The following TNFRSF13B variants were observed in gnomAD, a reference collection of about 807,000 sequenced individuals.
TNFRSF13B encodes TNF receptor superfamily member 13B.
Under a neutral mutation model 24.0 loss-of-function variants are expected in TNFRSF13B, and 34 were observed. The observed-to-expected ratio is 1.41, with a 90% confidence interval of 1.08 to 1.88. The LOEUF is 1.88. TNFRSF13B is among the 40% of genes most tolerant of loss of function. The pLI is 0.00. For missense variants in TNFRSF13B, 415 were observed against 380.8 expected (o/e 1.09, Z -0.75); for synonymous variants, 173 against 150.3 (o/e 1.15, Z -1.10).
intron 1 of TNFRSF13B, among the ~76,000 whole-genome samples, chr17:16,968,163 A>G (rs369290232): frequency 1.3e-5 from 2 of 151,202 alleles, no homozygotes; most frequent in African/African-American, 4.8e-5. Context: ...AAAAGAAAAA[A>G]GAAAGGAAAA....
chr17:16,940,125 C>A, intron 4 of TNFRSF13B: 4 of 1,378,282 alleles, frequency 2.9e-6, no homozygotes, highest in Non-Finnish European at 3.9e-6. Context: ...GCACCCCACA[C>A]CCACCCTTCC....
chr17:16,956,310 C>T (rs538148488), intron 1 of TNFRSF13B, among the ~76,000 whole-genome samples: 3 of 152,336 alleles, frequency 2.0e-5, no homozygotes, highest in South Asian at 4.1e-4. Context: ...GTTAGATTTC[C>T]AGTCACCACA....
intron 1 of TNFRSF13B, among the ~76,000 whole-genome samples, chr17:16,960,015 A>G (rs563927474): frequency 6.6e-6 from 1 of 152,288 alleles, no homozygotes; most frequent in South Asian, 2.1e-4. Flanking sequence ...TGTCACAAGG[A>G]GAGAAAATTA....
intron 1 of TNFRSF13B, among the ~76,000 whole-genome samples, chr17:16,957,119 G>A (rs1489331405): frequency 6.6e-6 from 1 of 151,596 alleles, no homozygotes; most frequent in Admixed American, 6.6e-5. Context: ...AGGGATGTGG[G>A]AACTCTCTGT....
In TNFRSF13B at chr17:16,966,832, C is replaced by CTTTTTTTTTTTTTTTTTTTTTTTTTTTTT; in HGVS notation, c.61+5182_61+5183insAAAAAAAAAAAAAAAAAAAAAAAAAAAAA. 2.1e-5 allele frequency among the ~76,000 whole-genome samples: 2 copies of CTTTTTTTTTTTTTTTTTTTTTTTTTTTTT among 95,848 alleles called. 1 individual carries two copies. Among genetic ancestry groups the CTTTTTTTTTTTTTTTTTTTTTTTTTTTTT allele is most frequent in the Non-Finnish European group, 3.9e-5 (2 of 50,676 alleles). The allele number at this position is 95,848 out of a possible 152,430, so 62.9% of individuals were successfully genotyped here. Reference sequence around the variant, plus strand: ...TTGGTTTTTTTTGTTTTTTCTTTTTCTTTTTTCTTTTTTTTTTTTTTTTTG... The same window carrying CTTTTTTTTTTTTTTTTTTTTTTTTTTTTT: ...TTGGTTTTTTTTGTTTTTTCTTTTTCTTTTTTTTTTTTTTTTTTTTTTTTTTTTTTTTTTTCTTTTTTTTTTTTTTTTTG... On this transcript the variant is annotated intron_variant, in intron 1 of 4. Transcript: ENST00000261652.
chr17:16,969,527 C>G (rs1197441767), intron 1 of TNFRSF13B, among the ~76,000 whole-genome samples: 2 of 152,250 alleles, frequency 1.3e-5, no homozygotes, highest in East Asian at 3.9e-4. Flanking sequence ...AGTAGATTAG[C>G]CTGGGGCTAG....
At chr17:16,951,398 A>G (rs1169430056) in intron 2 of TNFRSF13B, among the ~76,000 whole-genome samples, 1 of 152,262 alleles carries the variant, frequency 6.6e-6, no homozygotes, top group Non-Finnish European at 1.5e-5. Context: ...TATCAAGGAA[A>G]AGAACAGGTT....
chr17:16,944,619 C>T (rs555745108), intron 3 of TNFRSF13B, among the ~76,000 whole-genome samples: 12 of 152,270 alleles, frequency 7.9e-5, no homozygotes, highest in African/African-American at 2.9e-4. Context: ...AGGAATTTGT[C>T]ATCTGCGTGG....
Position 16,939,258 on chromosome 17 carries a change from T to C in TNFRSF13B, c.*289A>G, listed in dbSNP as rs1034112207. 2.5e-6 allele frequency: 1 copy of C among 400,438 alleles called. No homozygotes were observed. The highest frequency in any genetic ancestry group is 4.5e-6 in the Non-Finnish European group (1 of 221,940). 24.8% of individuals were successfully genotyped at this position (400,438 alleles called of 1,614,324 possible). On this transcript the variant is annotated 3_prime_UTR_variant, in exon 5 of 5. Coordinates refer to ENST00000261652, the MANE Select transcript of TNFRSF13B (RefSeq NM_012452.3). ...CTCCTGCTCTATCTCTCTCTGTCCC[T>C]CTCTCCCTCTCTGTCTCTCTGCCTC...
chr17:16,965,549 C>T (rs936743954), intron 1 of TNFRSF13B, among the ~76,000 whole-genome samples: 1 of 152,202 alleles, frequency 6.6e-6, no homozygotes, highest in Admixed American at 6.5e-5. Context: ...GAAAAGCAAG[C>T]CGCATTCTTG....
intron 1 of TNFRSF13B, among the ~76,000 whole-genome samples, chr17:16,960,379 G>A (rs1246147498): frequency 6.6e-6 from 1 of 152,080 alleles, no homozygotes; most frequent in African/African-American, 2.4e-5. Flanking sequence ...AGCACCAGGA[G>A]AACTAGCCAG....
Position 16,943,628 on chromosome 17 carries a change from G to T in TNFRSF13B, c.446-3117C>A, listed in dbSNP as rs146521124. Among the ~76,000 whole-genome samples, 355 of 152,142 alleles carry T rather than the reference G, an allele frequency of 2.3e-3. 3 individuals are homozygous for T. Among genetic ancestry groups the T allele is most frequent in the Non-Finnish European group, 4.6e-3 (310 of 67,966 alleles). ...ACCCCCTTCTCCCATGGCTGCCCCT[G>T]CCCCCAGCAGGACATCAGCCTCCCA... On this transcript the variant is annotated intron_variant, in intron 3 of 4. Transcript: ENST00000261652.
At chr17:16,944,111 C>T (rs535945625) in intron 3 of TNFRSF13B, among the ~76,000 whole-genome samples, 19 of 152,328 alleles carry the variant, frequency 1.2e-4, no homozygotes, top group African/African-American at 4.6e-4. Flanking sequence ...CAAAGCAGAT[C>T]TGGGGTGGGG....
intron 3 of TNFRSF13B, among the ~76,000 whole-genome samples, chr17:16,947,258 A>G (rs1000245404): frequency 6.6e-6 from 1 of 152,244 alleles, no homozygotes; most frequent in Non-Finnish European, 1.5e-5. Context: ...TCCTAGAGAA[A>G]TCCTGGAAAA....
Position 16,941,068 on chromosome 17 carries a change from T to A in TNFRSF13B, c.446-557A>T, listed in dbSNP as rs1262678015. On this transcript the variant is annotated intron_variant, in intron 3 of 4. Transcript: ENST00000261652. ...ATTAGAGTCATCTCTAGATTACTTA[T>A]AATACCAAATACAATATAGATGCCA... is the stretch of plus-strand genomic sequence containing the variant. The A allele has an allele frequency of 1.5e-5, 9 of 582,032 alleles. No individual in the cohort carries two copies. The South Asian group carries it at 4.5e-4, about 29-fold the overall frequency. 36.1% of individuals were successfully genotyped at this position (582,032 alleles called of 1,614,324 possible). A position where few individuals can be genotyped will look rare whatever the true frequency, so the allele number is the denominator to read the frequency against.
intron 1 of TNFRSF13B, among the ~76,000 whole-genome samples, chr17:16,962,494 G>A (rs1008156151): frequency 4.0e-5 from 6 of 150,748 alleles, no homozygotes; most frequent in African/African-American, 1.5e-4. Flanking sequence ...GCCACAGAGT[G>A]AGACTCGGTC....
In TNFRSF13B at chr17:16,939,793, G is replaced by A. The variant is rs755149539; in HGVS notation, c.636C>T (p.His212=). ...RQSPAKSSQD[H]AMEAGSPVST... is the part of the protein sequence containing the mutation. ...TCACAGGGCTGCCGGCTTCCATCGC[G>A]TGATCTGCAGAGGCGAGAGTGGAGG... is the stretch of plus-strand genomic sequence containing the variant. Residue 212 remains histidine, a synonymous_variant, in exon 5 of 5, where the codon CAC becomes CAT. Transcript: ENST00000261652. The A allele has an allele frequency of 3.7e-6, 6 of 1,611,220 alleles. No homozygotes were observed. The highest frequency in any genetic ancestry group is 1.3e-5 in the African/African-American group (1 of 74,912).
At chr17:16,948,051 C>A (rs2087561310) in intron 3 of TNFRSF13B, among the ~76,000 whole-genome samples, 1 of 152,184 alleles carries the variant, frequency 6.6e-6, no homozygotes, top group African/African-American at 2.4e-5. Flanking sequence ...AACATGGATG[C>A]AACTGGAGGC....
At chr17:16,939,853 G>C in intron 4 of TNFRSF13B, 56 bp from the exon 5 acceptor site, 1 of 1,563,220 alleles carries the variant, frequency 6.4e-7, no homozygotes, top group Middle Eastern at 2.2e-4. Context: ...CTAGGGTAGG[G>C]GTGACGGTGT....
Sources: allele counts gnomAD v4.1 joint callset (sites outside exome capture counted in the v4.1 genomes callset), GRCh38; gene constraint gnomAD v4.1.1; transcripts MANE v1.5; gene names NCBI Gene and HGNC (gene_info 2026-07-23, HGNC 2026-07-21).